SH2B1: variants seen among roughly 807,000 people sequenced by gnomAD.
SH2B1 encodes SH2B adapter protein 1.
Under a neutral mutation model 62.6 loss-of-function variants are expected in SH2B1, and 15 were observed. The observed-to-expected ratio is 0.24, with a 90% CI of 0.16 to 0.37. SH2B1 has a LOEUF of 0.37. Among genes scored for constraint, SH2B1 ranks in the 10% least tolerant of loss-of-function variants. The pLI, the probability that SH2B1 is intolerant of heterozygous loss-of-function variation, is 1.00. For synonymous variants in SH2B1, 443 were observed against 438.0 expected (o/e 1.01, Z -0.14); for missense variants, 925 against 1,015.6 (o/e 0.91, Z 1.21).
rs377254317 is a variant in SH2B1, at chr16:28,853,425, G to A, written c.-301+6598G>A. On this transcript the variant is annotated intron_variant, in intron 1 of 10. Coordinates refer to the SH2B1 transcript ENST00000322610. ...TCACCATTCTGGCCAGGCTGGTCTC[G>A]AACTCCTGACCTCATGATCCGCCCA... 4.7e-5 allele frequency among the ~76,000 whole-genome samples: 7 copies of A among 149,582 alleles called. No homozygotes were observed. The East Asian group carries it at 8.0e-4, about 17-fold the overall frequency.
chr16:28,871,405 C>T (rs915436553), intron 4 of SH2B1, among the ~76,000 whole-genome samples: 2 of 152,202 alleles, frequency 1.3e-5, no homozygotes, highest in African/African-American at 4.8e-5. Context: ...GGGCAGATCA[C>T]TTGAGTCCAG....
chr16:28,867,399 G>A lies in SH2B1; in HGVS notation c.1008G>A (p.Glu336=). ...ACGTCCGGACAACCACAGCCCTGGA[G>A]ATGCCTGACCGGGAGAACACGTTTG... is the stretch of plus-strand genomic sequence containing the variant. The part of the protein sequence containing the change: ...ITDVRTTTAL[E]MPDRENTFVV... Residue 336 remains glutamate, a synonymous_variant, in exon 2 of 8, where the codon GAG becomes GAA. Coordinates refer to ENST00000684370, the MANE Select transcript of SH2B1 (RefSeq NM_001387430.1). 6.2e-7 allele frequency: 1 copy of A among 1,614,140 alleles called. No homozygotes were observed. Among genetic ancestry groups the A allele is most frequent in the Non-Finnish European group, 8.5e-7 (1 of 1,179,984 alleles).
chr16:28,847,488 C>G (rs1374062600), intron 1 of SH2B1, among the ~76,000 whole-genome samples: 3 of 152,014 alleles, frequency 2.0e-5, no homozygotes, highest in African/African-American at 7.2e-5. Context: ...TATGCACAGA[C>G]TGGGAAGCTA....
rs117374029 is a variant in SH2B1, at chr16:28,873,317, G to C, written c.1898-130G>C. 1.9e-6 allele frequency: 3 copies of C among 1,595,114 alleles called. No individual in the cohort carries two copies. In the Admixed American group the frequency reaches 5.1e-5, roughly 27 times the overall value. On this transcript the variant is annotated intron_variant, in intron 7 of 7. Transcript: ENST00000684370. The surrounding 1 kb of genome is among the most constrained non-coding windows in gnomAD (Gnocchi z 4.2). ...CACCGCCCATGATCCATCTTCCATG[G>C]ATGGGGGGTTGCTCAGGAGATGGGA...
At position 28,855,702 on chromosome 16, in the gene SH2B1, C is replaced by T. The variant is rs947510274; in HGVS notation, c.-300-5916C>T. ...TCGCCCGGGCTGGAGTGCAGTGGAG[C>T]GATCTCCGCTCACTGCAAGCTCCGT... On this transcript the variant is annotated intron_variant, in intron 1 of 10. Coordinates refer to the SH2B1 transcript ENST00000322610. Among the ~76,000 whole-genome samples, 13 of 150,108 alleles carry T rather than the reference C, an allele frequency of 8.7e-5. No individual in the cohort carries two copies. The South Asian group carries it at 1.7e-3, about 19-fold the overall frequency.
chr16:28,864,102 C>T lies in SH2B1; in HGVS notation c.-1993C>T, dbSNP rs1962552557. 2 of 1,241,852 alleles carry T rather than the reference C, an allele frequency of 1.6e-6. No individual in the cohort carries two copies. The highest frequency in any genetic ancestry group is 2.0e-6 in the Non-Finnish European group (2 of 985,224). The allele number at this position is 1,241,852 out of a possible 1,614,324, so 76.9% of individuals were successfully genotyped here. ...AGAGTGCAGCAGACAGGGCTGGTCC[C>T]GAGGTGGATGCGGCCCCGGAAAATG... On this transcript the variant is annotated 5_prime_UTR_variant, in exon 1 of 8. An upstream open reading frame in the 5' UTR gains an earlier in-frame stop. Coordinates refer to ENST00000684370, the MANE Select transcript of SH2B1 (RefSeq NM_001387430.1).
Position 28,873,407 on chromosome 16 carries a change from G to A in SH2B1, c.1898-40G>A, listed in dbSNP as rs1343600206. The A allele has an allele frequency of 7.6e-6, 12 of 1,579,414 alleles. No individual in the cohort carries two copies. The highest frequency in any genetic ancestry group is 9.4e-6 in the Non-Finnish European group (11 of 1,172,744). On this transcript the variant is annotated intron_variant, in intron 7 of 7. Coordinates refer to ENST00000684370, the MANE Select transcript of SH2B1 (RefSeq NM_001387430.1). The surrounding 1 kb of genome is among the most constrained non-coding windows in gnomAD (Gnocchi z 4.2). Reference sequence around the variant, plus strand: ...GGGAGGCCACGGCAGGAGCTCACCTGCCTCCACAATCAGTCTGTTTTCTTA... The same window carrying A: ...GGGAGGCCACGGCAGGAGCTCACCTACCTCCACAATCAGTCTGTTTTCTTA...
At chr16:28,852,909 CATGTACATATATATATTTTTATATAT>C (rs1248832639) in intron 1 of SH2B1, among the ~76,000 whole-genome samples, 9 of 38,222 alleles carry the variant, frequency 2.4e-4, no homozygotes, top group East Asian at 1.3e-3. Flanking sequence ...TTTATATATA[CATGTACATATATATATTTTTATATAT>C]ATGTACATAT....
chr16:28,848,942 G>A (rs927912932), intron 1 of SH2B1, among the ~76,000 whole-genome samples: 5 of 152,044 alleles, frequency 3.3e-5, no homozygotes, highest in Non-Finnish European at 5.9e-5. Context: ...AAAATGCTGG[G>A]ATTATAGGTG....
In SH2B1 at chr16:28,852,520, TTATA is replaced by T. The variant is rs1303235755; in HGVS notation, c.-301+5700_-301+5703del. Among the ~76,000 whole-genome samples, 3 of 48,040 alleles carry T rather than the reference TTATA, an allele frequency of 6.2e-5. 1 individual carries two copies. The highest frequency in any genetic ancestry group is 9.6e-5 in the Non-Finnish European group (3 of 31,404). The allele number at this position is 48,040 out of a possible 152,430, so 31.5% of individuals were successfully genotyped here. On this transcript the variant is annotated intron_variant, in intron 1 of 10. Transcript: ENST00000322610. ...TATATTTATATATATACACATATAT[TTATA>T]TATATACACATATATTTATATATAT... is the stretch of plus-strand genomic sequence containing the variant.
intron 1 of SH2B1, among the ~76,000 whole-genome samples, chr16:28,857,885 G>A (rs1345442193): frequency 6.6e-6 from 1 of 151,820 alleles, no homozygotes; most frequent in Admixed American, 6.6e-5. Context: ...GACTACAGGC[G>A]CCCACCACCA....
chr16:28,869,752 CAG>C (rs1567470123), intron 4 of SH2B1, among the ~76,000 whole-genome samples: 1 of 152,200 alleles, frequency 6.6e-6, no homozygotes, highest in Non-Finnish European at 1.5e-5. Flanking sequence ...CTGTGTCTGT[CAG>C]GGGCAATCAC....
intron 1 of SH2B1, among the ~76,000 whole-genome samples, chr16:28,853,363 C>G (rs1962251126): frequency 1.3e-5 from 2 of 149,910 alleles, no homozygotes; most frequent in Non-Finnish European, 3.0e-5. Flanking sequence ...GCCACCATGC[C>G]CAGCTAATTT....
chr16:28,863,672 A>C (rs888550215), upstream of SH2B1: 22 of 1,535,010 alleles, frequency 1.4e-5, no homozygotes, highest in Non-Finnish European at 1.9e-5. Context: ...TTTTAGGTGC[A>C]ACTGGAGAAG....
chr16:28,868,983 G>C lies in SH2B1; in HGVS notation c.1042-23G>C, dbSNP rs1263816955. On this transcript the variant is annotated intron_variant, in intron 2 of 7. Coordinates refer to ENST00000684370, the MANE Select transcript of SH2B1 (RefSeq NM_001387430.1). ...CCTCCTCCCTGCCCCTGCCCCAGCT[G>C]AGGCGTCGTCTCATCTCTGTAGGTG... The C allele has an allele frequency of 1.9e-6, 3 of 1,591,618 alleles. No individual in the cohort carries two copies. The African/African-American group carries it at 4.0e-5, about 21-fold the overall frequency.
chr16:28,856,876 C>A (rs564711824), intron 1 of SH2B1, among the ~76,000 whole-genome samples: 1 of 152,252 alleles, frequency 6.6e-6, no homozygotes, highest in African/African-American at 2.4e-5. Context: ...TGCATGCCAA[C>A]CCTGAGTGTG....
Position 28,864,815 on chromosome 16 carries a change from ATTC to A in SH2B1, c.-1275_-1273del, listed in dbSNP as rs1962596612. 1 of 322,620 alleles carries A rather than the reference ATTC, an allele frequency of 3.1e-6. No homozygotes were observed. Among genetic ancestry groups the A allele is most frequent in the Non-Finnish European group, 4.5e-6 (1 of 224,392 alleles). 20.0% of individuals were successfully genotyped at this position (322,620 alleles called of 1,614,324 possible). A position where few individuals can be genotyped will look rare whatever the true frequency, so the allele number is the denominator to read the frequency against. On this transcript the variant is annotated 5_prime_UTR_variant, in exon 1 of 8. Coordinates refer to ENST00000684370, the MANE Select transcript of SH2B1 (RefSeq NM_001387430.1). ...TATTTTAGAAAATTGGAACAATAAT[ATTC>A]TTCTCCCACATGAAGATAGTAACAA...
At chr16:28,849,048 C>T (rs1962043825) in intron 1 of SH2B1, among the ~76,000 whole-genome samples, 1 of 152,176 alleles carries the variant, frequency 6.6e-6, no homozygotes, top group African/African-American at 2.4e-5. Flanking sequence ...CTCTTCCTGG[C>T]CCTCCAGTTA....
chr16:28,871,472 G>GTA (rs1051717263), intron 4 of SH2B1, among the ~76,000 whole-genome samples: 78 of 152,084 alleles, frequency 5.1e-4, no homozygotes, highest in Admixed American at 1.0e-3. Flanking sequence ...ACAAAAACAT[G>GTA]TATATATATA....
Sources: gnomAD v4.1 joint callset for allele counts (sites outside exome capture counted in the v4.1 genomes callset) on GRCh38, gnomAD v4.1.1 for gene constraint, Gnocchi (gnomAD v3.1) non-coding constraint, MANE v1.5 for transcripts, NCBI Gene and HGNC (gene_info 2026-07-23, HGNC 2026-07-21) for gene names.